Variants in FRY observed in about 807,000 individuals in gnomAD.
The protein encoded by FRY is FRY microtubule binding protein.
FRY carries 128 observed loss-of-function variants against 348.4 expected under a neutral mutation model. That is an observed-to-expected ratio of 0.37 (90% confidence interval 0.32 to 0.43). The LOEUF (loss-of-function observed/expected upper bound fraction) is 0.43, where lower values mean the gene tolerates loss of function less well. FRY is among the 20% of genes least tolerant of loss of function. The probability of loss-of-function intolerance (pLI) is 1.00; values close to 1 mark genes in which losing one functional copy is unlikely to be tolerated. For synonymous variants in FRY, 1,370 were observed against 1,374.7 expected (o/e 1.00, Z 0.08); for missense variants, 2,736 against 3,695.2 (o/e 0.74, Z 6.73).
intron 14 of FRY, among the ~76,000 whole-genome samples, chr13:32,150,602 G>C (rs915738497): frequency 6.6e-6 from 1 of 152,092 alleles, no homozygotes; most frequent in Non-Finnish European, 1.5e-5. Context: ...TCAACTCGCA[G>C]AAGAATTGTG....
chr13:32,225,938 G>A lies in FRY; in HGVS notation c.5170G>A (p.Val1724Met), dbSNP rs61946739. ...GATGGGTGAAGCTAAGACTCTAACC[G>A]TGCAGCCAGCCTACCAACCTGAATA... ...REMGEAKTLT[V>M]QPAYQPEYLY... The change falls in exon 39 of 61, where the codon GTG becomes ATG. Residue 1724 changes from valine to methionine, a missense_variant. This residue lies in a region of FRY where 794 missense variants were observed against 977.0 expected (regional missense o/e 0.81). Coordinates refer to ENST00000542859, the MANE Select transcript of FRY (RefSeq NM_023037.3). The A allele has an allele frequency of 4.5e-4, 719 of 1,614,046 alleles. 3 individuals carry two copies. Among genetic ancestry groups the A allele is most frequent in the Non-Finnish European group, 4.1e-4 (478 of 1,179,996 alleles).
intron 1 of FRY, among the ~76,000 whole-genome samples, chr13:32,039,776 C>T (rs1280754709): frequency 6.6e-6 from 1 of 152,192 alleles, no homozygotes; most frequent in South Asian, 2.1e-4. Flanking sequence ...AAAGCCATAA[C>T]ATTTCAGCTA....
chr13:32,046,331 C>T (rs186243207), intron 1 of FRY, among the ~76,000 whole-genome samples: 10 of 152,296 alleles, frequency 6.6e-5, no homozygotes, highest in South Asian at 4.2e-4. Context: ...TATTGACCCA[C>T]GCAAGAGACA....
chr13:32,097,954 T>A (rs1876861187), intron 2 of FRY, among the ~76,000 whole-genome samples: 1 of 146,196 alleles, frequency 6.8e-6, no homozygotes, highest in East Asian at 2.1e-4. Context: ...TTTAAAAAAA[T>A]TTAAAACTTA....
chr13:32,254,696 A>T (rs1013750719), intron 51 of FRY, among the ~76,000 whole-genome samples: 1 of 152,234 alleles, frequency 6.6e-6, no homozygotes, highest in Non-Finnish European at 1.5e-5. Flanking sequence ...ACTTAAAAAA[A>T]AAATCACAAA....
chr13:32,049,876 A>C (rs1873230594), intron 1 of FRY, among the ~76,000 whole-genome samples: 1 of 152,208 alleles, frequency 6.6e-6, no homozygotes, highest in African/African-American at 2.4e-5. Context: ...TAGCTCAAGC[A>C]AGCTGCTTTA....
intron 55 of FRY, among the ~76,000 whole-genome samples, chr13:32,270,217 T>G (rs1189273826): frequency 6.6e-6 from 1 of 152,034 alleles, no homozygotes; most frequent in Non-Finnish European, 1.5e-5. Context: ...AGCTTTTTTT[T>G]TTTTTTTGAG....
At chr13:32,086,635 A>C (rs1351487684) in intron 2 of FRY, among the ~76,000 whole-genome samples, 1 of 152,214 alleles carries the variant, frequency 6.6e-6, no homozygotes, top group African/African-American at 2.4e-5. Context: ...GGGAAGAAGA[A>C]AAAGAAATTC....
intron 29 of FRY, among the ~76,000 whole-genome samples, chr13:32,199,229 C>T (rs554399136): frequency 1.3e-5 from 2 of 152,230 alleles, no homozygotes; most frequent in Admixed American, 1.3e-4. Context: ...AAGGCAGTTC[C>T]CAGAGAAGGC....
At position 32,294,539 on chromosome 13, in the gene FRY, G is replaced by A. The variant is rs370107550; in HGVS notation, c.8752G>A (p.Gly2918Ser). Residue 2918 changes from glycine (G) to serine (S), a missense_variant, in exon 60 of 61, where the codon GGC (glycine) becomes AGC (serine). Transcript: ENST00000542859. ...MLECLKNNEL[G>S]KALRQIRECR... ...GGAGTGCCTGAAGAACAACGAACTC[G>A]GCAAAGCTTTGCGGCAGATCAGGGA... The A allele has an allele frequency of 4.9e-5, 79 of 1,613,950 alleles. No homozygotes were observed. In the Middle Eastern group the frequency reaches 6.6e-4, roughly 13 times the overall value.
intron 2 of FRY, among the ~76,000 whole-genome samples, chr13:32,088,060 C>A (rs1240199099): frequency 6.6e-6 from 1 of 152,186 alleles, no homozygotes; most frequent in Non-Finnish European, 1.5e-5. Flanking sequence ...GGTTACATGT[C>A]TGTTGACTAA....
chr13:32,188,477 C>T (rs930186661), intron 28 of FRY, among the ~76,000 whole-genome samples: 1 of 152,118 alleles, frequency 6.6e-6, no homozygotes, highest in Non-Finnish European at 1.5e-5. Flanking sequence ...GAAGAATTAG[C>T]AGGAGCATTG....
intron 55 of FRY, 89 bp from the exon 56 acceptor site, chr13:32,274,753 A>G: frequency 1.1e-6 from 1 of 909,060 alleles, no homozygotes; most frequent in Admixed American, 2.0e-5. Flanking sequence ...TTGGAATATA[A>G]AAAAAGAAGC....
intron 11 of FRY, among the ~76,000 whole-genome samples, chr13:32,144,047 T>C (rs749862418): frequency 6.6e-5 from 10 of 152,130 alleles, no homozygotes; most frequent in South Asian, 2.1e-4. Flanking sequence ...AAGTACACCA[T>C]AGGCATTTGC....
At chr13:32,251,310 G>A (rs1887069460) in intron 49 of FRY, among the ~76,000 whole-genome samples, 1 of 152,174 alleles carries the variant, frequency 6.6e-6, no homozygotes, top group African/African-American at 2.4e-5. Flanking sequence ...TTAGGAAGAA[G>A]AAACTAAGAA....
At chr13:32,265,650 A>G (rs760634540) in intron 54 of FRY, 34 bp downstream of exon 54, 5 of 1,597,454 alleles carry the variant, frequency 3.1e-6, no homozygotes, top group Non-Finnish European at 4.3e-6. Context: ...GAGTGGTGTG[A>G]ATGTGCATGG....
At chr13:32,221,218 A>G (rs929005495) in intron 36 of FRY, among the ~76,000 whole-genome samples, 4 of 152,174 alleles carry the variant, frequency 2.6e-5, no homozygotes, top group Admixed American at 2.6e-4. Context: ...CAGCTCTGTA[A>G]ATGTTAAGGC....
At chr13:32,283,106 A>G (rs1359533619) in intron 58 of FRY, among the ~76,000 whole-genome samples, 1 of 151,318 alleles carries the variant, frequency 6.6e-6, no homozygotes, top group East Asian at 1.9e-4. Context: ...GCACCATTGC[A>G]CTCCAGCCTG....
chr13:32,085,777 G>A, intron 2 of FRY: 1 of 463,778 alleles, frequency 2.2e-6, no homozygotes, highest in South Asian at 1.6e-5. Context: ...GGAGGCTTGA[G>A]CAGGGGACTT....
Sources: gnomAD v4.1 joint callset for allele counts (sites outside exome capture counted in the v4.1 genomes callset) on GRCh38, gnomAD v4.1.1 for gene constraint, gnomAD v4.1.1 regional missense constraint, MANE v1.5 for transcripts, NCBI Gene and HGNC (gene_info 2026-07-23, HGNC 2026-07-21) for gene names.